Variants in DNAH5 observed in about 807,000 individuals in gnomAD.
DNAH5 encodes axonemal beta dynein heavy chain 5.
In DNAH5, 372 loss-of-function variants were observed where a neutral mutation model predicts 518.2. The ratio of observed to expected loss-of-function variants is 0.72; its 90% CI spans 0.66 to 0.78. DNAH5 has a LOEUF of 0.78. DNAH5 is among the 30% of genes least tolerant of loss of function. DNAH5 has a pLI of 0.00. For synonymous variants in DNAH5, 2,039 were observed against 2,025.9 expected (o/e 1.01, Z -0.17); for missense variants, 5,523 against 5,687.0 (o/e 0.97, Z 0.93).
chr5:13,870,660 GGTTTA>G, intron 24 of DNAH5, 102 bp downstream of exon 24: 1 of 1,018,894 alleles, frequency 9.8e-7, no homozygotes, highest in Non-Finnish European at 1.5e-6. Context: ...TTATTGTCTT[GGTTTA>G]GTAACCATTT....
chr5:13,703,729 A>G (rs1242160136), intron 76 of DNAH5, among the ~76,000 whole-genome samples: 2 of 152,082 alleles, frequency 1.3e-5, no homozygotes, highest in Non-Finnish European at 2.9e-5. Flanking sequence ...TAACATTCCA[A>G]GATCCTTGAC....
intron 78 of DNAH5, among the ~76,000 whole-genome samples, chr5:13,696,213 C>T (rs1741370817): frequency 6.6e-6 from 1 of 152,212 alleles, no homozygotes; most frequent in African/African-American, 2.4e-5. Context: ...GCAAATGTTC[C>T]AATCACGGTT....
intron 6 of DNAH5, 93 bp from the exon 7 acceptor site, chr5:13,919,445 T>C (rs1029356206): frequency 7.5e-6 from 11 of 1,475,046 alleles, no homozygotes; most frequent in Non-Finnish European, 1.0e-5. Context: ...AAATCAATTA[T>C]CCTATCTGGA....
chr5:13,714,457 C>T lies in DNAH5; in HGVS notation c.13073G>A (p.Arg4358Gln), dbSNP rs144949095. 242 of 1,614,108 alleles carry T rather than the reference C, an allele frequency of 1.5e-4. 1 individual carries two copies. The East Asian group carries it at 2.6e-3, about 17-fold the overall frequency. ...CTTCTCCAGCATATCATCAGCCAGC[C>T]GGGCCACCACCGCCTCCCGGGTCTC... is the stretch of plus-strand genomic sequence containing the variant. ...GDETREAVVA[R>Q]LADDMLEKLP... The change falls in exon 75 of 79, where the codon CGG (arginine) becomes CAG (glutamine). Residue 4358 changes from arginine to glutamine, a missense_variant. Arg to Gln is a conservative substitution (Grantham distance 43). Around this residue, in one of 3 missense-constraint regions of DNAH5, gnomAD observed 387 missense variants for 430.0 expected, o/e 0.90. Coordinates refer to ENST00000265104, the MANE Select transcript of DNAH5 (RefSeq NM_001369.3).
At chr5:13,892,177 G>A (rs949945396) in intron 16 of DNAH5, among the ~76,000 whole-genome samples, 1 of 152,150 alleles carries the variant, frequency 6.6e-6, no homozygotes, top group African/African-American at 2.4e-5. Context: ...TAAATTGATT[G>A]AATACTAAAA....
chr5:13,901,951 T>A lies in DNAH5; in HGVS notation c.1730+102A>T, dbSNP rs371904326. 1,403 of 918,940 alleles carry A rather than the reference T, an allele frequency of 1.5e-3. 27 individuals carry two copies. The South Asian group carries it at 0.02, about 13-fold the overall frequency. The allele number at this position is 918,940 out of a possible 1,614,324, so 56.9% of individuals were successfully genotyped here. A position where few individuals can be genotyped will look rare whatever the true frequency, so the allele number is the denominator to read the frequency against. ...TGTGACCCAAATTGCCAAGAGAGGT[T>A]TTCCTTTCCATCAGAATATGAAATA... On this transcript the variant is annotated intron_variant, in intron 13 of 78. Transcript: ENST00000265104.
intron 47 of DNAH5, among the ~76,000 whole-genome samples, chr5:13,795,380 C>T (rs1280137781): frequency 6.6e-6 from 1 of 152,212 alleles, no homozygotes; most frequent in South Asian, 2.1e-4. Flanking sequence ...CACCACCGAT[C>T]CCACAGAAAT....
At chr5:13,920,428 T>C in intron 6 of DNAH5, 52 bp downstream of exon 6, 1 of 1,609,822 alleles carries the variant, frequency 6.2e-7, no homozygotes. Flanking sequence ...TCTTCCATTG[T>C]CTAGCGCAGT....
At position 13,762,989 on chromosome 5, in the gene DNAH5, T is replaced by C. The variant is rs548736539; in HGVS notation, c.10102-88A>G. The C allele has an allele frequency of 2.7e-6, 3 of 1,120,830 alleles. No individual in the cohort carries two copies. The South Asian group carries it at 3.8e-5, about 14-fold the overall frequency. 69.4% of individuals were successfully genotyped at this position (1,120,830 alleles called of 1,614,324 possible). ...ATGCTCTCAATGCCACTGAAACTAC[T>C]GAACGACCACAAATGAATGAAGGGC... On this transcript the variant is annotated intron_variant, in intron 59 of 78. Coordinates refer to ENST00000265104, the MANE Select transcript of DNAH5 (RefSeq NM_001369.3).
At chr5:13,852,884 T>C (rs1767086546) in intron 30 of DNAH5, among the ~76,000 whole-genome samples, 1 of 152,150 alleles carries the variant, frequency 6.6e-6, no homozygotes, top group Non-Finnish European at 1.5e-5. Flanking sequence ...GGCTTATAGA[T>C]AAAACTCTCA....
Position 13,917,264 on chromosome 5 carries a change from C to T in DNAH5, c.976-8G>A. ...ATCCATCTCCCGCCAAGTCTAAGCA[C>T]AATAGGGAAAAGCAATTTTAATGTA... On this transcript the variant is annotated splice_polypyrimidine_tract_variant and splice_region_variant and intron_variant, in intron 7 of 78. Coordinates refer to ENST00000265104, the MANE Select transcript of DNAH5 (RefSeq NM_001369.3). The T allele has an allele frequency of 6.2e-7, 1 of 1,607,434 alleles. No individual in the cohort carries two copies. Among genetic ancestry groups the T allele is most frequent in the Non-Finnish European group, 8.5e-7 (1 of 1,174,260 alleles).
intron 29 of DNAH5, among the ~76,000 whole-genome samples, chr5:13,860,014 G>T (rs1410080638): frequency 6.6e-6 from 1 of 152,058 alleles, no homozygotes; most frequent in Non-Finnish European, 1.5e-5. Flanking sequence ...CCATCAGTGG[G>T]GACCAGACAA....
intron 75 of DNAH5, 134 bp from the exon 76 acceptor site, chr5:13,708,469 G>GAA: frequency 1.3e-6 from 1 of 745,180 alleles, no homozygotes. Context: ...TTATTGCATG[G>GAA]CAAAAAGAAA....
intron 61 of DNAH5, among the ~76,000 whole-genome samples, chr5:13,757,738 G>A (rs1465396476): frequency 1.3e-5 from 2 of 152,124 alleles, no homozygotes; most frequent in Admixed American, 6.5e-5. Context: ...CAAAGGACAT[G>A]AACAGACATT....
At chr5:13,725,519 G>A (rs1462814190) in intron 70 of DNAH5, among the ~76,000 whole-genome samples, 2 of 152,216 alleles carry the variant, frequency 1.3e-5, no homozygotes, top group Non-Finnish European at 2.9e-5. Flanking sequence ...GTGGAGTGCT[G>A]CATTTTCATA....
chr5:13,783,399 C>T (rs1004200583), intron 52 of DNAH5, among the ~76,000 whole-genome samples: 4 of 152,112 alleles, frequency 2.6e-5, no homozygotes, highest in East Asian at 1.9e-4. Context: ...GTCACTAAGA[C>T]GGGAACCCAC....
rs1162245420 is a variant in DNAH5 at position 13,691,388 on chromosome 5, TATTA to T, written c.*592_*595del. On this transcript the variant is annotated 3_prime_UTR_variant, in exon 79 of 79. Transcript: ENST00000265104. ...TAAGAATTATCAATTAGTATTTCAT[TATTA>T]ATTATAAGTAGGCTTAAGCATTGTT... 1 of 152,258 alleles carries T rather than the reference TATTA, an allele frequency of 6.6e-6. No homozygotes were observed. The highest frequency in any genetic ancestry group is 1.5e-5 in the Non-Finnish European group (1 of 68,064). 9.4% of individuals were successfully genotyped at this position (152,258 alleles called of 1,614,324 possible). A position where few individuals can be genotyped will look rare whatever the true frequency, so the allele number is the denominator to read the frequency against.
intron 69 of DNAH5, among the ~76,000 whole-genome samples, chr5:13,727,994 T>A (rs1745978247): frequency 6.6e-6 from 1 of 152,196 alleles, no homozygotes; most frequent in Admixed American, 6.6e-5. Flanking sequence ...GAAGTCCGAT[T>A]TGCTCCACAA....
intron 76 of DNAH5, among the ~76,000 whole-genome samples, chr5:13,704,689 G>C (rs149476458): frequency 1.3e-5 from 2 of 152,104 alleles, no homozygotes; most frequent in African/African-American, 2.4e-5. Flanking sequence ...CATAGTATCC[G>C]GTTCTTTGGT....
Sources: gnomAD v4.1 joint callset for allele counts (sites outside exome capture counted in the v4.1 genomes callset) on GRCh38, gnomAD v4.1.1 for gene constraint, gnomAD v4.1.1 regional missense constraint, MANE v1.5 for transcripts, NCBI Gene and HGNC (gene_info 2026-07-23, HGNC 2026-07-21) for gene names.